The following NOS1AP variants were observed in gnomAD, a reference collection of about 807,000 sequenced individuals.
NOS1AP encodes the protein nitric oxide synthase 1 adaptor protein.
Under a neutral mutation model 56.2 loss-of-function variants are expected in NOS1AP, and 21 were observed. That is an observed-to-expected ratio of 0.37 (90% confidence interval 0.26 to 0.54). The LOEUF (loss-of-function observed/expected upper bound fraction) is 0.54. NOS1AP is among the 20% of genes least tolerant of loss of function. The pLI, the probability that NOS1AP is intolerant of heterozygous loss-of-function variation, is 0.84. For missense variants in NOS1AP, 522 were observed against 657.8 expected (o/e 0.79, Z 2.26); for synonymous variants, 270 against 274.6 (o/e 0.98, Z 0.17).
chr1:162,352,801 T>C (rs1320718723), intron 6 of NOS1AP, among the ~76,000 whole-genome samples: 1 of 152,170 alleles, frequency 6.6e-6, no homozygotes, highest in Non-Finnish European at 1.5e-5. Flanking sequence ...TGCTATTACA[T>C]TGGGAGCTAA....
At chr1:162,325,941 A>C (rs1278898824) in intron 4 of NOS1AP, among the ~76,000 whole-genome samples, 1 of 152,022 alleles carries the variant, frequency 6.6e-6, no homozygotes, top group East Asian at 1.9e-4. Context: ...AGAACAAGAA[A>C]TATTTCTCTT....
chr1:162,221,557 C>T (rs1176662847), intron 2 of NOS1AP, among the ~76,000 whole-genome samples: 3 of 151,454 alleles, frequency 2.0e-5, no homozygotes, highest in Non-Finnish European at 2.9e-5. Context: ...CACACACACA[C>T]ACACACACAC....
chr1:162,100,712 C>T (rs1435778276), intron 1 of NOS1AP, among the ~76,000 whole-genome samples: 1 of 151,982 alleles, frequency 6.6e-6, no homozygotes, highest in Non-Finnish European at 1.5e-5. Context: ...CTTGCCCATG[C>T]CTATGGCTGC....
intron 5 of NOS1AP, among the ~76,000 whole-genome samples, chr1:162,341,514 C>T (rs1336359295): frequency 6.6e-6 from 1 of 152,186 alleles, no homozygotes; most frequent in East Asian, 1.9e-4. Flanking sequence ...TTTATTGTTA[C>T]AACCTAAAAC....
intron 1 of NOS1AP, among the ~76,000 whole-genome samples, chr1:162,144,771 A>G (rs1003446578): frequency 6.6e-6 from 1 of 152,164 alleles, no homozygotes; most frequent in Non-Finnish European, 1.5e-5. Flanking sequence ...AGGCCAGAAC[A>G]GTTTCTCTGT....
At chr1:162,303,707 G>T (rs1168545257) in intron 4 of NOS1AP, among the ~76,000 whole-genome samples, 1 of 152,116 alleles carries the variant, frequency 6.6e-6, no homozygotes, top group Non-Finnish European at 1.5e-5. Context: ...CTCCCATAGT[G>T]CTGGGATTAT....
intron 3 of NOS1AP, among the ~76,000 whole-genome samples, chr1:162,291,621 A>G (rs1206328088): frequency 6.6e-6 from 1 of 152,202 alleles, no homozygotes; most frequent in Non-Finnish European, 1.5e-5. Context: ...TAGTGTAGGC[A>G]GTGGCCAAAT....
At chr1:162,366,264 G>C (rs457879) in intron 9 of NOS1AP, among the ~76,000 whole-genome samples, 151,837 of 152,318 alleles carry the variant, frequency 1, 75,683 homozygotes, top group Middle Eastern at 1. Flanking sequence ...CCAGCAAATA[G>C]CCATTGATCA....
intron 2 of NOS1AP, among the ~76,000 whole-genome samples, chr1:162,155,086 G>C (rs1453903183): frequency 6.6e-6 from 1 of 151,770 alleles, no homozygotes; most frequent in African/African-American, 2.4e-5. Context: ...GGAGGACAAA[G>C]AAATTGGCTT....
chr1:162,088,844 G>C (rs1692062094), intron 1 of NOS1AP, among the ~76,000 whole-genome samples: 1 of 152,276 alleles, frequency 6.6e-6, no homozygotes, highest in South Asian at 2.1e-4. Context: ...GTCCAGGGCT[G>C]AGCAGCACCT....
At chr1:162,229,549 T>A (rs1013278465) in intron 2 of NOS1AP, among the ~76,000 whole-genome samples, 5 of 152,176 alleles carry the variant, frequency 3.3e-5, no homozygotes, top group African/African-American at 1.2e-4. Context: ...GAAGCCTGAG[T>A]TTCTGTTTCA....
intron 1 of NOS1AP, among the ~76,000 whole-genome samples, chr1:162,118,455 A>C (rs1015024332): frequency 1.3e-5 from 2 of 152,200 alleles, no homozygotes; most frequent in Non-Finnish European, 2.9e-5. Context: ...TTGTGGCTTC[A>C]TAGTACCACA....
intron 2 of NOS1AP, among the ~76,000 whole-genome samples, chr1:162,229,818 G>A (rs1306563655): frequency 6.6e-6 from 1 of 152,176 alleles, no homozygotes; most frequent in Non-Finnish European, 1.5e-5. Flanking sequence ...AATAGAGGAG[G>A]AGGGGAGCTA....
chr1:162,252,181 G>T (rs1443575654), intron 2 of NOS1AP, among the ~76,000 whole-genome samples: 2 of 151,898 alleles, frequency 1.3e-5, no homozygotes, highest in Non-Finnish European at 2.9e-5. Context: ...TGAGTAGCTG[G>T]GACTATAGGT....
At chr1:162,096,337 C>G (rs1692239889) in intron 1 of NOS1AP, among the ~76,000 whole-genome samples, 1 of 152,148 alleles carries the variant, frequency 6.6e-6, no homozygotes, top group South Asian at 2.1e-4. Flanking sequence ...TGACTTTGCC[C>G]TCATATCAAA....
At chr1:162,142,342 T>C (rs996406373) in intron 1 of NOS1AP, among the ~76,000 whole-genome samples, 5 of 152,212 alleles carry the variant, frequency 3.3e-5, no homozygotes, top group Non-Finnish European at 5.9e-5. Flanking sequence ...AAATAGGACG[T>C]GGGTTTTTGT....
intron 4 of NOS1AP, among the ~76,000 whole-genome samples, chr1:162,313,999 A>T: frequency 6.6e-6 from 1 of 152,190 alleles, no homozygotes; most frequent in Admixed American, 6.6e-5. Flanking sequence ...GCCTAGAAGG[A>T]TTCTTAGTGT....
chr1:162,283,284 C>A (rs539068479), intron 2 of NOS1AP, among the ~76,000 whole-genome samples: 1 of 152,230 alleles, frequency 6.6e-6, no homozygotes, highest in East Asian at 1.9e-4. Context: ...ATGGCCCCAG[C>A]CCTTCCCCTG....
intron 1 of NOS1AP, among the ~76,000 whole-genome samples, chr1:162,125,130 CTTTTTTTTT>C (rs56264198): frequency 1.6e-5 from 2 of 124,170 alleles, no homozygotes; most frequent in Non-Finnish European, 3.3e-5. Flanking sequence ...GTTTCTGACT[CTTTTTTTTT>C]TTTTTTTTTT....
Sources: gnomAD v4.1 joint callset for allele counts (sites outside exome capture counted in the v4.1 genomes callset) on GRCh38, gnomAD v4.1.1 for gene constraint, MANE v1.5 for transcripts, NCBI Gene and HGNC (gene_info 2026-07-23, HGNC 2026-07-21) for gene names.